Variants in NDUFAF6 observed in about 807,000 individuals in gnomAD.
NDUFAF6 encodes the protein NADH:ubiquinone oxidoreductase complex assembly factor 6, also known as NADH dehydrogenase (ubiquinone) complex I, assembly factor 6.
A neutral mutation model predicts 40.8 loss-of-function variants in NDUFAF6; 45 were observed. That is an observed-to-expected ratio of 1.10 (90% CI 0.87 to 1.42). The LOEUF (loss-of-function observed/expected upper bound fraction) is 1.42. Ranked by LOEUF, NDUFAF6 falls within the 40% of genes most tolerant of loss-of-function variation. The probability of loss-of-function intolerance (pLI) is 0.00; values close to 1 mark genes in which losing one functional copy is unlikely to be tolerated. For missense variants in NDUFAF6, 435 were observed against 418.5 expected (o/e 1.04, Z -0.34); for synonymous variants, 185 against 155.9 (o/e 1.19, Z -1.39).
chr8:94,997,343 C>CACACACAG lies in NDUFAF6; in HGVS notation c.-84+16371_-84+16372insCACACAGA, dbSNP rs1242904810. The stretch of plus-strand genomic sequence containing the variant: ...ACACACACACACACACACACACACA[C>CACACACAG]AGAGAGAGAGAGAGAGAGAGAGACA... On this transcript the variant is annotated intron_variant, in intron 2 of 9. Transcript: ENST00000396111. Among the ~76,000 whole-genome samples the CACACACAG allele has an allele frequency of 4.2e-3, 381 of 90,552 alleles. 5 individuals are homozygous for CACACACAG. The highest frequency in any genetic ancestry group is 0.02 in the Admixed American group (128 of 6,448). The allele number at this position is 90,552 out of a possible 152,430, so 59.4% of individuals were successfully genotyped here.
At chr8:94,908,001 C>T (rs1022960413) in intron 1 of NDUFAF6, among the ~76,000 whole-genome samples, 1 of 152,208 alleles carries the variant, frequency 6.6e-6, no homozygotes, top group African/African-American at 2.4e-5. Context: ...ATTCACCTCT[C>T]TACTATGTTT....
chr8:95,007,008 G>T (rs1442783001), intron 2 of NDUFAF6, among the ~76,000 whole-genome samples: 1 of 145,494 alleles, frequency 6.9e-6, no homozygotes, highest in Non-Finnish European at 1.5e-5. Context: ...AAAAAAAAAA[G>T]CATACGTTGA....
intron 2 of NDUFAF6, among the ~76,000 whole-genome samples, chr8:95,091,507 C>A (rs1332273794): frequency 6.6e-6 from 1 of 151,966 alleles, no homozygotes; most frequent in Non-Finnish European, 1.5e-5. Flanking sequence ...CAGAGTCTAA[C>A]CATATCACCC....
intron 1 of NDUFAF6, among the ~76,000 whole-genome samples, chr8:94,938,197 A>G (rs2131355457): frequency 6.6e-6 from 1 of 152,340 alleles, no homozygotes; most frequent in African/African-American, 2.4e-5. Flanking sequence ...AACAAGATCA[A>G]TTAACCTGCA....
chr8:94,907,187 A>G (rs1030663460), intron 1 of NDUFAF6, among the ~76,000 whole-genome samples: 2 of 152,210 alleles, frequency 1.3e-5, no homozygotes, highest in Non-Finnish European at 2.9e-5. Flanking sequence ...TTCTCCTTGT[A>G]GCTCCTATAT....
At chr8:95,075,611 G>A in intron 9 of NDUFAF6, 1 of 1,288,088 alleles carries the variant, frequency 7.8e-7, no homozygotes, top group South Asian at 1.2e-5. Flanking sequence ...TGGTGAATAA[G>A]TGTCCTCTTT....
intron 3 of NDUFAF6, among the ~76,000 whole-genome samples, chr8:95,038,001 A>G (rs1829701195): frequency 6.6e-6 from 1 of 152,134 alleles, no homozygotes; most frequent in Admixed American, 6.6e-5. Context: ...CTCTTGCCTC[A>G]GCCTCCTGAG....
At chr8:94,982,573 C>T (rs775779809) in intron 2 of NDUFAF6, among the ~76,000 whole-genome samples, 1 of 152,190 alleles carries the variant, frequency 6.6e-6, no homozygotes. Flanking sequence ...ATCATGAAAC[C>T]CAACTCCTAT....
intron 9 of NDUFAF6, chr8:95,072,101 T>A (rs1832885026): frequency 6.6e-6 from 1 of 152,302 alleles, no homozygotes; most frequent in Admixed American, 6.5e-5. Context: ...AATCTTCGCA[T>A]AAACCTCAGG....
intron 1 of NDUFAF6, among the ~76,000 whole-genome samples, chr8:94,941,874 AT>A (rs1033388909): frequency 1.4e-4 from 22 of 152,162 alleles, no homozygotes; most frequent in African/African-American, 5.3e-4. Flanking sequence ...ATATTTATCC[AT>A]TTCTACCTGG....
At chr8:95,068,858 A>G (rs975307162) in intron 9 of NDUFAF6, 1 of 151,660 alleles carries the variant, frequency 6.6e-6, no homozygotes, top group Non-Finnish European at 1.5e-5. Flanking sequence ...TCTTTTCTGC[A>G]GCTGCCTTTT....
intron 2 of NDUFAF6, chr8:94,981,059 G>T: frequency 2.3e-6 from 1 of 441,804 alleles, no homozygotes; most frequent in African/African-American, 2.0e-5. Flanking sequence ...GTTTTAATAT[G>T]GTTTATCCCC....
At chr8:95,104,802 C>G (rs1378878509), downstream of NDUFAF6, among the ~76,000 whole-genome samples, 3 of 152,086 alleles carry the variant, frequency 2.0e-5, no homozygotes, top group Non-Finnish European at 4.4e-5. Context: ...AGGCTGGGCA[C>G]CTGACCCTCG....
intron 4 of NDUFAF6, among the ~76,000 whole-genome samples, chr8:95,114,162 T>A (rs200787652): frequency 4.2e-3 from 158 of 37,810 alleles, no homozygotes; most frequent in Middle Eastern, 0.036. Context: ...ATAATAATAA[T>A]AAAACAAACA....
intron 7 of NDUFAF6, among the ~76,000 whole-genome samples, chr8:95,048,798 G>A (rs1166756137): frequency 6.6e-6 from 1 of 152,154 alleles, no homozygotes; most frequent in Non-Finnish European, 1.5e-5. Context: ...GCTTTCTCAT[G>A]TGGGCTCCTC....
intron 8 of NDUFAF6, among the ~76,000 whole-genome samples, chr8:95,057,059 C>T (rs891268202): frequency 6.6e-6 from 1 of 152,120 alleles, no homozygotes; most frequent in Admixed American, 6.5e-5. Flanking sequence ...GCATTAATCC[C>T]CCAGGTTCTG....
intron 2 of NDUFAF6, among the ~76,000 whole-genome samples, chr8:95,081,935 G>A (rs760347458): frequency 6.6e-6 from 1 of 152,110 alleles, no homozygotes. Context: ...GCGTGGTGGC[G>A]GGCACCTGTA....
chr8:95,030,507 T>C (rs1166246659), intron 1 of NDUFAF6, among the ~76,000 whole-genome samples: 2 of 152,186 alleles, frequency 1.3e-5, no homozygotes, highest in Non-Finnish European at 2.9e-5. Flanking sequence ...AGTGCTAGAT[T>C]ATAGGCATGA....
intron 1 of NDUFAF6, among the ~76,000 whole-genome samples, chr8:94,979,186 A>G (rs1048346975): frequency 1.3e-5 from 2 of 152,136 alleles, no homozygotes; most frequent in Admixed American, 6.5e-5. Context: ...ATTTTTTCTC[A>G]GATGCAAATC....
Sources: allele counts gnomAD v4.1 joint callset (sites outside exome capture counted in the v4.1 genomes callset), GRCh38; gene constraint gnomAD v4.1.1; transcripts MANE v1.5; gene names NCBI Gene and HGNC (gene_info 2026-07-23, HGNC 2026-07-21).